Variants in ARHGAP40 observed in about 807,000 individuals in gnomAD.
ARHGAP40 encodes Rho GTPase activating protein 40.
ARHGAP40 carries 43 observed loss-of-function variants against 73.5 expected under a neutral mutation model. That is an observed-to-expected ratio of 0.58 (90% CI 0.46 to 0.75). The LOEUF (loss-of-function observed/expected upper bound fraction) is 0.75, where lower values mean the gene tolerates loss of function less well. Ranked by LOEUF, ARHGAP40 falls within the 30% of genes least tolerant of loss-of-function variation. The probability of loss-of-function intolerance (pLI) is 0.00; values close to 1 mark genes in which losing one functional copy is unlikely to be tolerated. For missense variants in ARHGAP40, 734 were observed against 861.8 expected, an observed-to-expected ratio of 0.85 and a Z score of 1.86; for synonymous variants, 300 against 352.8, an observed-to-expected ratio of 0.85 and a Z score of 1.68.
chr20:38,627,527 G>GTGTGTGTTGGTGTCTGTGTGTA (rs1464232058), intron 3 of ARHGAP40, among the ~76,000 whole-genome samples: 1 of 136,680 alleles, frequency 7.3e-6, no homozygotes, highest in African/African-American at 2.7e-5. Context: ...ATGTGTGTTG[G>GTGTGTGTTGGTGTCTGTGTGTA]GGTATGTGTG....
chr20:38,614,357 T>G (rs2088822054), intron 1 of ARHGAP40, among the ~76,000 whole-genome samples: 1 of 152,202 alleles, frequency 6.6e-6, no homozygotes, highest in African/African-American at 2.4e-5. Context: ...TTTCTTTCTT[T>G]CTTTCTTTTT....
rs190459251 is a variant in ARHGAP40 at position 38,604,311 on chromosome 20, C to T, written c.137+2232C>T. On this transcript the variant is annotated intron_variant, in intron 1 of 14. Transcript: ENST00000373345. ...TGGTTGAATGAACAGATGAAAAATA[C>T]TTAAGAGAGTTTAAAATTTGAACCA... Among the ~76,000 whole-genome samples, 550 of 151,920 alleles carry T rather than the reference C, an allele frequency of 3.6e-3. 2 individuals carry two copies. Among genetic ancestry groups the T allele is most frequent in the Non-Finnish European group, 5.0e-3 (339 of 67,986 alleles).
intron 1 of ARHGAP40, among the ~76,000 whole-genome samples, chr20:38,606,438 G>A (rs1169156264): frequency 2.0e-5 from 3 of 152,244 alleles, no homozygotes; most frequent in African/African-American, 7.2e-5. Flanking sequence ...GACTCACCAA[G>A]TGGGTGTGAG....
At chr20:38,649,707 G>A (rs2089076663) in intron 14 of ARHGAP40, 50 bp from the exon 15 acceptor site, 1 of 1,175,524 alleles carries the variant, frequency 8.5e-7, no homozygotes, top group Non-Finnish European at 1.1e-6. Context: ...CAGGGGAACA[G>A]CATCTCCTAC....
chr20:38,634,592 T>C (rs2088961138), intron 5 of ARHGAP40, 28 bp from the exon 6 acceptor site: 2 of 1,305,054 alleles, frequency 1.5e-6, no homozygotes, highest in South Asian at 1.2e-5. Flanking sequence ...GCCTGACAAA[T>C]TGTCTTTACT....
intron 9 of ARHGAP40, among the ~76,000 whole-genome samples, chr20:38,640,944 C>A (rs1353150909): frequency 1.3e-5 from 2 of 152,182 alleles, no homozygotes; most frequent in African/African-American, 4.8e-5. Flanking sequence ...TGTCTCCTCT[C>A]TGAAATGTAA....
intron 1 of ARHGAP40, among the ~76,000 whole-genome samples, chr20:38,603,407 GTCTATCTATCTATCTATCTATCTA>G (rs71330431): frequency 8.5e-5 from 11 of 129,576 alleles, no homozygotes; most frequent in South Asian, 2.6e-4. Context: ...TTGTTTATCT[GTCTATCTATCTATCTATCTATCTA>G]TCTATCTATC....
intron 1 of ARHGAP40, among the ~76,000 whole-genome samples, chr20:38,620,127 A>G (rs2088866491): frequency 6.6e-6 from 1 of 152,274 alleles, no homozygotes; most frequent in East Asian, 1.9e-4. Context: ...GGTATTCAGT[A>G]AAGGTTTGAA....
At chr20:38,613,308 A>G (rs1007077781) in intron 1 of ARHGAP40, among the ~76,000 whole-genome samples, 18 of 152,150 alleles carry the variant, frequency 1.2e-4, no homozygotes, top group African/African-American at 4.1e-4. Flanking sequence ...TAAAAAATGC[A>G]GGCTGCCCCT....
chr20:38,610,921 G>C (rs531249297), intron 1 of ARHGAP40, among the ~76,000 whole-genome samples: 1 of 116,318 alleles, frequency 8.6e-6, no homozygotes, highest in Non-Finnish European at 1.7e-5. Flanking sequence ...ACAGAGTCTT[G>C]CTCTGTCACC....
chr20:38,646,048 TCG>T lies in ARHGAP40; in HGVS notation c.1573_1574del (p.Ala525LeufsTer14). ...CAAAACTTGATCCTTTCTGGCCAGG[TCG>T]CCTCTTTCCTGGTCGCCCAGGTGCG... On this transcript the variant is annotated frameshift_variant and splice_region_variant, in exon 12 of 15. Transcript: ENST00000373345. LOFTEE classifies it high-confidence loss of function. This position sits in a 1 kb window ranked among gnomAD's most constrained non-coding sequence, Gnocchi z 4.5. The T allele has an allele frequency of 7.7e-7, 1 of 1,302,820 alleles. No individual in the cohort carries two copies. Among genetic ancestry groups the T allele is most frequent in the South Asian group, 1.2e-5 (1 of 80,832 alleles). The allele number at this position is 1,302,820 out of a possible 1,614,324, so 80.7% of individuals were successfully genotyped here.
At chr20:38,604,011 A>G (rs1349152688) in intron 1 of ARHGAP40, among the ~76,000 whole-genome samples, 1 of 152,240 alleles carries the variant, frequency 6.6e-6, no homozygotes, top group Non-Finnish European at 1.5e-5. Flanking sequence ...TTAATCACAT[A>G]TGCAGAGTCC....
intron 1 of ARHGAP40, among the ~76,000 whole-genome samples, chr20:38,622,112 T>A (rs918772671): frequency 8.6e-5 from 13 of 150,924 alleles, no homozygotes; most frequent in African/African-American, 3.0e-4. Flanking sequence ...TATATATATT[T>A]TTTTTTTAAA....
chr20:38,635,115 C>G (rs778989865), intron 6 of ARHGAP40, among the ~76,000 whole-genome samples: 2 of 151,986 alleles, frequency 1.3e-5, no homozygotes, highest in Non-Finnish European at 2.9e-5. Flanking sequence ...CTCTTGACCT[C>G]GTGATCTGCC....
At chr20:38,601,935 G>A in exon 1 of ARHGAP40, 1 of 1,287,734 alleles carries the variant, frequency 7.8e-7, no homozygotes, top group Non-Finnish European at 1.0e-6. Context: ...TCCTCGAGGT[G>A]CCAGCCCATG....
chr20:38,605,027 G>A (rs1362600185), intron 1 of ARHGAP40, among the ~76,000 whole-genome samples: 2 of 151,950 alleles, frequency 1.3e-5, no homozygotes, highest in African/African-American at 4.8e-5. Flanking sequence ...GGCTCACAAG[G>A]TCACTAGGTC....
At chr20:38,623,264 C>A in intron 1 of ARHGAP40, 95 bp from the exon 2 acceptor site, 1 of 1,008,706 alleles carries the variant, frequency 9.9e-7, no homozygotes, top group South Asian at 1.6e-5. Flanking sequence ...CCCCCAGGGG[C>A]CCAGGCTGAT....
intron 5 of ARHGAP40, among the ~76,000 whole-genome samples, chr20:38,630,223 CT>C (rs1249796271): frequency 1.7e-4 from 20 of 114,576 alleles, no homozygotes; most frequent in Non-Finnish European, 2.1e-4. Flanking sequence ...TTCTTTCCTT[CT>C]TTTTTTTTTC....
exon 11 of ARHGAP40, chr20:38,643,785 G>T: frequency 7.7e-7 from 1 of 1,305,800 alleles, no homozygotes; most frequent in African/African-American, 1.5e-5. Context: ...CACCGTGATG[G>T]CCCCTAACCT....
Sources: gnomAD v4.1 joint callset for allele counts (sites outside exome capture counted in the v4.1 genomes callset) on GRCh38, gnomAD v4.1.1 for gene constraint, Gnocchi (gnomAD v3.1) non-coding constraint, MANE v1.5 for transcripts, NCBI Gene and HGNC (gene_info 2026-07-23, HGNC 2026-07-21) for gene names.